Variants in WWOX observed in about 807,000 individuals in gnomAD.
WWOX encodes WW domain containing oxidoreductase.
Under a neutral mutation model 46.2 loss-of-function variants are expected in WWOX, and 69 were observed. The ratio of observed to expected loss-of-function variants is 1.49; its 90% CI spans 1.23 to 1.82. The LOEUF (loss-of-function observed/expected upper bound fraction) is 1.82. Among genes scored for constraint, WWOX ranks in the 40% most tolerant of loss-of-function variants. The pLI is 0.00. For synonymous variants in WWOX, 359 were observed against 202.6 expected (o/e 1.77, Z -6.56); for missense variants, 919 against 542.6 (o/e 1.69, Z -6.89).
intron 8 of WWOX, among the ~76,000 whole-genome samples, chr16:78,766,217 T>G (rs2049921879): frequency 6.6e-6 from 1 of 152,204 alleles, no homozygotes; most frequent in Non-Finnish European, 1.5e-5. Flanking sequence ...CAAAAAAGGA[T>G]TCCACCAGGT....
chr16:79,068,148 C>T (rs780452590), intron 8 of WWOX, among the ~76,000 whole-genome samples: 4 of 152,186 alleles, frequency 2.6e-5, no homozygotes, highest in African/African-American at 4.8e-5. Flanking sequence ...TTAGTGGAAT[C>T]TGGTAAGAGT....
chr16:78,663,421 C>T (rs1051715424), intron 8 of WWOX, among the ~76,000 whole-genome samples: 1 of 152,182 alleles, frequency 6.6e-6, no homozygotes, highest in Non-Finnish European at 1.5e-5. Context: ...TTTATCCATT[C>T]ACAGTTCATG....
At chr16:78,775,523 A>G (rs772170585) in intron 8 of WWOX, among the ~76,000 whole-genome samples, 10 of 152,110 alleles carry the variant, frequency 6.6e-5, no homozygotes, top group Admixed American at 2.0e-4. Flanking sequence ...GGGGTGGGGT[A>G]TCAAGGGAGA....
At chr16:78,724,713 CT>C (rs1178950457) in intron 8 of WWOX, among the ~76,000 whole-genome samples, 3 of 152,152 alleles carry the variant, frequency 2.0e-5, no homozygotes, top group African/African-American at 7.2e-5. Context: ...AGCTCGCACT[CT>C]GTAAGCTCTG....
Position 78,424,883 on chromosome 16 carries a change from C to A in WWOX, c.619C>A (p.Leu207Ile). 6.2e-7 allele frequency: 1 copy of A among 1,614,108 alleles called. No individual in the cohort carries two copies. Among genetic ancestry groups the A allele is most frequent in the Non-Finnish European group, 8.5e-7 (1 of 1,180,022 alleles). Residue 207 changes from leucine (L) to isoleucine (I), a missense_variant, in exon 7 of 9, where the codon CTT becomes ATT. Physicochemically the swap from Leu to Ile is conservative, Grantham distance 5. Coordinates refer to ENST00000566780, the MANE Select transcript of WWOX (RefSeq NM_016373.4). ...TTTATTTTTCAGGCCTCTTCATGTG[C>A]TTGTGTGCAACGCAGCAACTTTTGC... ...FKAKNVPLHV[L>I]VCNAATFALP...
Position 78,665,412 on chromosome 16 carries a change from A to C in WWOX, c.1056+232660A>C, listed in dbSNP as rs183322848. Among the ~76,000 whole-genome samples, 19 of 152,270 alleles carry C rather than the reference A, an allele frequency of 1.2e-4. No individual in the cohort carries two copies. In the East Asian group the frequency reaches 2.9e-3, roughly 23 times the overall value. ...TATTATTGAGTTACTGAATATAACT[A>C]TTGAGTTTTCCCTCTCCATCTGGGC... On this transcript the variant is annotated intron_variant, in intron 8 of 8. Transcript: ENST00000566780.
chr16:78,541,644 C>T lies in WWOX; in HGVS notation c.1056+108892C>T, dbSNP rs376210743. Among the ~76,000 whole-genome samples the T allele has an allele frequency of 5.9e-5, 9 of 152,046 alleles. No individual in the cohort carries two copies. In the East Asian group the frequency reaches 9.7e-4, roughly 16 times the overall value. On this transcript the variant is annotated intron_variant, in intron 8 of 8. Transcript: ENST00000566780. ...GCCAGACAGACCTGGGATCAAATCC[C>T]GCCTCTATCATGAATTGGCTGTGAG...
chr16:79,023,313 A>G (rs753616576), intron 8 of WWOX, among the ~76,000 whole-genome samples: 1 of 152,220 alleles, frequency 6.6e-6, no homozygotes, highest in Non-Finnish European at 1.5e-5. Flanking sequence ...AGTGCTTTAT[A>G]GACCTCTGAT....
intron 8 of WWOX, among the ~76,000 whole-genome samples, chr16:78,885,085 A>T (rs1035418979): frequency 2.6e-5 from 4 of 152,152 alleles, no homozygotes; most frequent in Non-Finnish European, 2.9e-5. Context: ...TGAGAGTGTC[A>T]CTGGCAACTT....
chr16:78,568,073 C>G (rs1252361100), intron 8 of WWOX, among the ~76,000 whole-genome samples: 2 of 152,164 alleles, frequency 1.3e-5, no homozygotes, highest in Non-Finnish European at 2.9e-5. Context: ...GCGAGAGACT[C>G]TTAGGGCAGA....
chr16:78,376,314 C>T (rs2081824517), intron 5 of WWOX, among the ~76,000 whole-genome samples: 1 of 152,144 alleles, frequency 6.6e-6, no homozygotes, highest in Non-Finnish European at 1.5e-5. Context: ...AATGATTGAA[C>T]ATTCTTTAGT....
At chr16:78,253,814 C>G (rs1259197705) in intron 5 of WWOX, among the ~76,000 whole-genome samples, 1 of 152,170 alleles carries the variant, frequency 6.6e-6, no homozygotes, top group East Asian at 1.9e-4. Context: ...ATTGTAGGAG[C>G]TATGTCCTGG....
At chr16:78,323,610 A>G (rs1429644346) in intron 5 of WWOX, among the ~76,000 whole-genome samples, 1 of 152,112 alleles carries the variant, frequency 6.6e-6, no homozygotes, top group African/African-American at 2.4e-5. Flanking sequence ...AATCATGCCC[A>G]CTATTTGGTT....
chr16:78,535,937 G>A (rs1221755991), intron 8 of WWOX, among the ~76,000 whole-genome samples: 1 of 152,146 alleles, frequency 6.6e-6, no homozygotes, highest in Non-Finnish European at 1.5e-5. Context: ...GTGAGGTTCT[G>A]CGCACAAAAT....
chr16:78,755,620 G>T (rs777059281), intron 8 of WWOX, among the ~76,000 whole-genome samples: 4 of 152,176 alleles, frequency 2.6e-5, no homozygotes, highest in Non-Finnish European at 4.4e-5. Flanking sequence ...ATTCCTGTGT[G>T]ATTTGTCACC....
At chr16:79,052,462 G>T (rs2048186703) in intron 8 of WWOX, among the ~76,000 whole-genome samples, 1 of 152,090 alleles carries the variant, frequency 6.6e-6, no homozygotes, top group African/African-American at 2.4e-5. Context: ...AAATCTTTCT[G>T]CTATAAAGAC....
rs138858068 is a variant in WWOX, at chr16:78,101,482, G to A, written c.107+1597G>A. Among the ~76,000 whole-genome samples, 1,462 of 151,906 alleles carry A rather than the reference G, an allele frequency of 9.6e-3. 27 individuals are homozygous for A. The highest frequency in any genetic ancestry group is 0.01 in the Non-Finnish European group (693 of 67,950). ...GTGTCTCAGCCTCCCGAATAGCTGG[G>A]ATTACAGGCGCCCGCCACCAGGCCT... On this transcript the variant is annotated intron_variant, in intron 1 of 8. Transcript: ENST00000566780.
chr16:79,077,799 A>T (rs2048686837), intron 8 of WWOX: 1 of 152,166 alleles, frequency 6.6e-6, no homozygotes, highest in Non-Finnish European at 1.5e-5. Context: ...AAATTCAAAG[A>T]TTGAAGTTTG....
At chr16:78,181,920 A>T (rs540205583) in intron 5 of WWOX, among the ~76,000 whole-genome samples, 1 of 152,302 alleles carries the variant, frequency 6.6e-6, no homozygotes, top group South Asian at 2.1e-4. Flanking sequence ...CACCCCATCA[A>T]CATGATGGCC....
Sources: allele counts gnomAD v4.1 joint callset (sites outside exome capture counted in the v4.1 genomes callset), GRCh38; gene constraint gnomAD v4.1.1; transcripts MANE v1.5; gene names NCBI Gene and HGNC (gene_info 2026-07-23, HGNC 2026-07-21).